The following CCDC68 variants were observed in gnomAD, a reference collection of about 807,000 sequenced individuals.
CCDC68 encodes the protein coiled-coil domain containing 68, also known as coiled-coil domain-containing protein 68.
In CCDC68, 45 loss-of-function variants were observed where a neutral mutation model predicts 47.1. The observed-to-expected ratio is 0.96, with a 90% CI of 0.75 to 1.23. The LOEUF (loss-of-function observed/expected upper bound fraction) is 1.23. CCDC68 is among the 50% of genes most tolerant of loss of function. The pLI, the probability that CCDC68 is intolerant of heterozygous loss-of-function variation, is 0.00. For missense variants in CCDC68, 353 were observed against 373.6 expected (o/e 0.94, Z 0.45); for synonymous variants, 131 against 129.5 (o/e 1.01, Z -0.08).
intron 8 of CCDC68, among the ~76,000 whole-genome samples, chr18:54,920,873 T>C (rs940718047): frequency 1.3e-4 from 20 of 152,204 alleles, no homozygotes; most frequent in African/African-American, 4.3e-4. Flanking sequence ...CCGATCATTC[T>C]ACCAAAAAGA....
At chr18:54,915,051 CTTAA>C (rs2043921719) in intron 10 of CCDC68, among the ~76,000 whole-genome samples, 1 of 152,184 alleles carries the variant, frequency 6.6e-6, no homozygotes, top group African/African-American at 2.4e-5. Context: ...AGAATGGGCA[CTTAA>C]TTAGATATGA....
intron 1 of CCDC68, among the ~76,000 whole-genome samples, chr18:54,947,551 G>A (rs539900492): frequency 7.2e-5 from 11 of 152,204 alleles, no homozygotes; most frequent in East Asian, 1.9e-4. Context: ...TCTGTGCCTC[G>A]GTTTCCTTAA....
intron 10 of CCDC68, among the ~76,000 whole-genome samples, chr18:54,912,967 C>T (rs1914454905): frequency 6.6e-6 from 1 of 152,136 alleles, no homozygotes; most frequent in African/African-American, 2.4e-5. Flanking sequence ...GGGTCCCTCC[C>T]ACAACACATG....
At chr18:54,923,874 G>C (rs189003681) in intron 8 of CCDC68, among the ~76,000 whole-genome samples, 6 of 152,004 alleles carry the variant, frequency 3.9e-5, no homozygotes, top group Admixed American at 3.3e-4. Flanking sequence ...CACTATGCCC[G>C]GCTAATTTTT....
rs753024038 is a variant in CCDC68 at position 54,934,943 on chromosome 18, G to A, written c.477C>T (p.Asn159=). The A allele has an allele frequency of 3.8e-6, 6 of 1,587,366 alleles. No individual in the cohort carries two copies. The highest frequency in any genetic ancestry group is 1.2e-5 in the South Asian group (1 of 86,834). Residue 159 remains asparagine, a synonymous_variant, in exon 7 of 12, where the codon AAC becomes AAT. Coordinates refer to ENST00000591504, the MANE Select transcript of CCDC68 (RefSeq NM_025214.3). ...QEDSKQLLQV[N]KLEKEQKLKQ... ...TCAATTTCTGTTCTTTTTCAAGCTT[G>A]TTAACCTATGGTCAGAGAATCAGTT...
At chr18:54,959,213 G>A (rs2044760967) in intron 1 of CCDC68, 123 bp downstream of exon 1, 1 of 152,260 alleles carries the variant, frequency 6.6e-6, no homozygotes, top group Non-Finnish European at 1.5e-5. Flanking sequence ...TACAGGAAAT[G>A]TCCTTGATGC....
chr18:54,942,594 G>C, intron 3 of CCDC68, 81 bp downstream of exon 3: 2 of 846,526 alleles, frequency 2.4e-6, no homozygotes, highest in Middle Eastern at 4.6e-4. Context: ...TCTATGGAGA[G>C]GGAAACAAAA....
At chr18:54,951,679 T>C (rs149088864) in intron 1 of CCDC68, among the ~76,000 whole-genome samples, 1 of 152,210 alleles carries the variant, frequency 6.6e-6, no homozygotes, top group Non-Finnish European at 1.5e-5. Flanking sequence ...TTTTCCAAAG[T>C]AGGTCACCAA....
chr18:54,915,636 T>A (rs1208282691), intron 10 of CCDC68, among the ~76,000 whole-genome samples: 1 of 152,140 alleles, frequency 6.6e-6, no homozygotes, highest in Admixed American at 6.5e-5. Context: ...ACGTAAAAAA[T>A]GTAAGAAATA....
chr18:54,936,958 G>A lies in CCDC68; in HGVS notation c.346C>T (p.Leu116=). ...NKENEVLKIK[L]QASREAGAAA... ...GCTCCTGCTTCTCTGGAGGCTTGCA[G>A]CTAGAAAAAAGGTCACTATGCATGT... Residue 116 remains leucine, a splice_region_variant and synonymous_variant, in exon 6 of 12, where the codon CTG becomes TTG. Transcript: ENST00000591504. 6.2e-7 allele frequency: 1 copy of A among 1,613,910 alleles called. No homozygotes were observed. Among genetic ancestry groups the A allele is most frequent in the Non-Finnish European group, 8.5e-7 (1 of 1,179,954 alleles).
intron 1 of CCDC68, among the ~76,000 whole-genome samples, chr18:54,958,940 G>C (rs1468864350): frequency 2.0e-5 from 3 of 152,204 alleles, no homozygotes; most frequent in Non-Finnish European, 4.4e-5. Flanking sequence ...AAGCCACCAC[G>C]CTGGAGTTCC....
intron 3 of CCDC68, among the ~76,000 whole-genome samples, chr18:54,941,848 T>A (rs2044443170): frequency 6.6e-6 from 1 of 152,144 alleles, no homozygotes; most frequent in Admixed American, 6.5e-5. Context: ...CAGGCTGGAG[T>A]GCAATGGTGT....
intron 3 of CCDC68, among the ~76,000 whole-genome samples, chr18:54,941,714 T>C (rs970897448): frequency 6.6e-6 from 1 of 152,206 alleles, no homozygotes; most frequent in Non-Finnish European, 1.5e-5. Context: ...ATGAAATTTC[T>C]CTTTTTATTC....
chr18:54,944,637 A>C (rs1035916500), intron 2 of CCDC68, among the ~76,000 whole-genome samples: 5 of 152,196 alleles, frequency 3.3e-5, no homozygotes, highest in Non-Finnish European at 5.9e-5. Flanking sequence ...AAAACCTGGC[A>C]AAAAAAGAAA....
intron 1 of CCDC68, among the ~76,000 whole-genome samples, chr18:54,951,377 A>G (rs2044617870): frequency 6.6e-6 from 1 of 152,202 alleles, no homozygotes; most frequent in Non-Finnish European, 1.5e-5. Flanking sequence ...AGGAGGGGCC[A>G]GGATTTGTTA....
intron 8 of CCDC68, among the ~76,000 whole-genome samples, chr18:54,920,268 GT>G (rs1251076871): frequency 1.6e-5 from 2 of 122,260 alleles, no homozygotes; most frequent in Non-Finnish European, 3.5e-5. Flanking sequence ...TTGTTGGTTT[GT>G]TTTTTTTCAG....
chr18:54,956,126 A>G (rs1450396264), intron 1 of CCDC68, among the ~76,000 whole-genome samples: 2 of 152,096 alleles, frequency 1.3e-5, no homozygotes, highest in Non-Finnish European at 2.9e-5. Context: ...AGTAGCTGGA[A>G]TTACAGGCGC....
At chr18:54,912,018 C>T (rs2145382775) in intron 10 of CCDC68, among the ~76,000 whole-genome samples, 1 of 152,298 alleles carries the variant, frequency 6.6e-6, no homozygotes, top group South Asian at 2.1e-4. Context: ...CAGAATATGC[C>T]TGCCATTATT....
intron 8 of CCDC68, among the ~76,000 whole-genome samples, chr18:54,926,107 A>G (rs1488145612): frequency 6.6e-6 from 1 of 152,196 alleles, no homozygotes; most frequent in Non-Finnish European, 1.5e-5. Flanking sequence ...TCCTCTAAGG[A>G]GTTTCCATTC....
Sources: gnomAD v4.1 joint callset for allele counts (sites outside exome capture counted in the v4.1 genomes callset) on GRCh38, gnomAD v4.1.1 for gene constraint, MANE v1.5 for transcripts, NCBI Gene and HGNC (gene_info 2026-07-23, HGNC 2026-07-21) for gene names.